The following MDGA2 variants were observed in gnomAD, a reference collection of about 807,000 sequenced individuals.
MDGA2 encodes MAM domain containing glycosylphosphatidylinositol anchor 2.
In MDGA2, 40 loss-of-function variants were observed where a neutral mutation model predicts 117.8. The ratio of observed to expected loss-of-function variants is 0.34; its 90% confidence interval spans 0.26 to 0.44. The LOEUF (loss-of-function observed/expected upper bound fraction) is 0.44, where lower values mean the gene tolerates loss of function less well. Ranked by LOEUF, MDGA2 falls within the 20% of genes least tolerant of loss-of-function variation. The pLI is 1.00. For missense variants in MDGA2, 1,123 were observed against 1,250.6 expected (o/e 0.90, Z 1.54); for synonymous variants, 452 against 439.0 (o/e 1.03, Z -0.37).
intron 7 of MDGA2, among the ~76,000 whole-genome samples, chr14:47,051,618 TGAAA>T (rs1288066478): frequency 6.6e-6 from 1 of 151,862 alleles, no homozygotes; most frequent in Non-Finnish European, 1.5e-5. Context: ...TTGGAACCCT[TGAAA>T]GAAAGAGCTT....
intron 3 of MDGA2, among the ~76,000 whole-genome samples, chr14:47,148,239 A>G (rs1441627528): frequency 6.6e-6 from 1 of 152,132 alleles, no homozygotes; most frequent in African/African-American, 2.4e-5. Flanking sequence ...CCTTTCTGGG[A>G]ACTGGGACCT....
intron 1 of MDGA2, among the ~76,000 whole-genome samples, chr14:47,310,177 G>C (rs1270689580): frequency 1.3e-5 from 2 of 152,052 alleles, no homozygotes; most frequent in African/African-American, 4.8e-5. Context: ...ACCTAGAAGA[G>C]TTCCCTATTA....
chr14:47,418,055 A>AAT (rs1001469107), intron 1 of MDGA2, among the ~76,000 whole-genome samples: 8 of 151,888 alleles, frequency 5.3e-5, no homozygotes, highest in Non-Finnish European at 1.0e-4. Flanking sequence ...CTGCTATAAA[A>AAT]ATTAGGGTAC....
intron 10 of MDGA2, among the ~76,000 whole-genome samples, chr14:46,910,582 A>G (rs1883660366): frequency 6.6e-6 from 1 of 152,196 alleles, no homozygotes. Flanking sequence ...CAAGGCAAGG[A>G]TGCCCTCTCA....
At chr14:47,209,072 C>T (rs1365957508) in intron 3 of MDGA2, among the ~76,000 whole-genome samples, 1 of 151,796 alleles carries the variant, frequency 6.6e-6, no homozygotes, top group African/African-American at 2.4e-5. Flanking sequence ...AATTCCTTAA[C>T]ATATTTAGTG....
At chr14:47,620,844 G>A (rs1288126631) in intron 1 of MDGA2, among the ~76,000 whole-genome samples, 1 of 152,176 alleles carries the variant, frequency 6.6e-6, no homozygotes, top group Non-Finnish European at 1.5e-5. Flanking sequence ...CAGGCTGGCT[G>A]AGGCACAACG....
At chr14:47,408,204 C>T (rs1441134149) in intron 1 of MDGA2, among the ~76,000 whole-genome samples, 1 of 151,832 alleles carries the variant, frequency 6.6e-6, no homozygotes, top group Non-Finnish European at 1.5e-5. Flanking sequence ...TACAGATGTG[C>T]GCCACCATGC....
intron 1 of MDGA2, among the ~76,000 whole-genome samples, chr14:47,383,605 C>T (rs1433704033): frequency 6.6e-6 from 1 of 152,102 alleles, no homozygotes; most frequent in African/African-American, 2.4e-5. Context: ...GTGGCATGAT[C>T]TCAGCTCAGT....
intron 1 of MDGA2, 71 bp downstream of exon 1, chr14:47,674,446 G>A (rs1898136952): frequency 1.5e-6 from 2 of 1,342,644 alleles, no homozygotes; most frequent in Admixed American, 4.6e-5. Flanking sequence ...GGCGCGAGTC[G>A]TGCATTTTCG....
At chr14:47,055,491 A>G (rs1320000693) in intron 7 of MDGA2, among the ~76,000 whole-genome samples, 1 of 152,092 alleles carries the variant, frequency 6.6e-6, no homozygotes, top group African/African-American at 2.4e-5. Context: ...GTGCTCCCCT[A>G]TAACTTCTAT....
intron 5 of MDGA2, among the ~76,000 whole-genome samples, chr14:47,107,882 C>T (rs1165942899): frequency 6.6e-6 from 1 of 151,590 alleles, no homozygotes; most frequent in Non-Finnish European, 1.5e-5. Context: ...TAAGTAGAGG[C>T]CTTTCCTACA....
intron 1 of MDGA2, among the ~76,000 whole-genome samples, chr14:47,329,538 T>C (rs781007715): frequency 6.6e-6 from 1 of 152,072 alleles, no homozygotes; most frequent in Non-Finnish European, 1.5e-5. Flanking sequence ...ATCGCTTTTC[T>C]GTAAGATTCC....
intron 1 of MDGA2, among the ~76,000 whole-genome samples, chr14:47,304,708 A>C (rs913928697): frequency 1.3e-5 from 2 of 152,140 alleles, no homozygotes; most frequent in Non-Finnish European, 2.9e-5. Flanking sequence ...CATTTCATAG[A>C]GTCCTAATCG....
intron 3 of MDGA2, among the ~76,000 whole-genome samples, chr14:47,209,176 A>G (rs1433694554): frequency 6.6e-6 from 1 of 152,162 alleles, no homozygotes; most frequent in Non-Finnish European, 1.5e-5. Context: ...TTTAACCAAA[A>G]TACTTTTAGG....
At chr14:47,301,009 C>T (rs1259041937) in intron 2 of MDGA2, among the ~76,000 whole-genome samples, 3 of 152,080 alleles carry the variant, frequency 2.0e-5, no homozygotes, top group Non-Finnish European at 4.4e-5. Flanking sequence ...TTCTTCAGAA[C>T]AAATACCTCT....
At chr14:47,475,495 T>C (rs1893817720) in intron 1 of MDGA2, among the ~76,000 whole-genome samples, 1 of 152,112 alleles carries the variant, frequency 6.6e-6, no homozygotes, top group Non-Finnish European at 1.5e-5. Context: ...CGAAAGAATA[T>C]AAATCATTCT....
intron 3 of MDGA2, among the ~76,000 whole-genome samples, chr14:47,185,269 T>C (rs985905422): frequency 3.8e-4 from 58 of 151,506 alleles, no homozygotes; most frequent in African/African-American, 1.3e-3. Flanking sequence ...AAGTGTGTCA[T>C]TACTTTATAA....
In MDGA2 at chr14:46,979,542, A is replaced by G. The variant is rs1886590294; in HGVS notation, c.1820-21899T>C. Among the ~76,000 whole-genome samples the G allele has an allele frequency of 2.0e-5, 3 of 152,290 alleles. No homozygotes were observed. The South Asian group carries it at 6.2e-4, about 32-fold the overall frequency. ...AAGCAAAGAAAAAGTTCATGAAGAA[A>G]ATTAAAAGTGCTACTCCAGGGAACA... On this transcript the variant is annotated intron_variant, in intron 8 of 16. Coordinates refer to ENST00000399232, the MANE Select transcript of MDGA2 (RefSeq NM_001113498.3).
chr14:47,518,952 C>G (rs559258506), intron 1 of MDGA2, among the ~76,000 whole-genome samples: 146 of 152,156 alleles, frequency 9.6e-4, no homozygotes, highest in Admixed American at 2.4e-3. Context: ...ACCTGTAATC[C>G]CAGCATTTTG....
Sources: gnomAD v4.1 joint callset for allele counts (sites outside exome capture counted in the v4.1 genomes callset) on GRCh38, gnomAD v4.1.1 for gene constraint, MANE v1.5 for transcripts, NCBI Gene and HGNC (gene_info 2026-07-23, HGNC 2026-07-21) for gene names.